ZNF610: variants seen among roughly 807,000 people sequenced by gnomAD.
ZNF610 encodes zinc finger protein 610.
Under a neutral mutation model 14.1 loss-of-function variants are expected in ZNF610, and 14 were observed. The ratio of observed to expected loss-of-function variants is 0.99; its 90% CI spans 0.65 to 1.55. The LOEUF (loss-of-function observed/expected upper bound fraction) is 1.55. Among genes scored for constraint, ZNF610 ranks in the 40% most tolerant of loss-of-function variants. The pLI, the probability that ZNF610 is intolerant of heterozygous loss-of-function variation, is 0.00. For synonymous variants in ZNF610, 185 were observed against 187.6 expected, an observed-to-expected ratio of 0.99 and a Z score of 0.11; for missense variants, 530 against 558.0, an observed-to-expected ratio of 0.95 and a Z score of 0.51.
intron 5 of ZNF610, among the ~76,000 whole-genome samples, chr19:52,361,200 C>T (rs1205765750): frequency 2.0e-5 from 3 of 147,030 alleles, no homozygotes; most frequent in East Asian, 2.0e-4. Context: ...TTTTCCGAGA[C>T]AGAGTCTCGC....
intron 1 of ZNF610, among the ~76,000 whole-genome samples, chr19:52,343,108 G>C (rs576866982): frequency 1.3e-5 from 2 of 152,134 alleles, no homozygotes; most frequent in African/African-American, 4.8e-5. Context: ...AAGAGACCCT[G>C]AACTCCCCAA....
intron 1 of ZNF610, among the ~76,000 whole-genome samples, chr19:52,339,600 G>A (rs901531774): frequency 1.4e-5 from 2 of 147,734 alleles, no homozygotes; most frequent in East Asian, 1.9e-4. Flanking sequence ...ACAGGGTTGG[G>A]GCTAGGGTTA....
chr19:52,334,992 G>GT (rs1984308664), upstream of ZNF610, among the ~76,000 whole-genome samples: 1 of 75,266 alleles, frequency 1.3e-5, no homozygotes, highest in Non-Finnish European at 2.8e-5. Flanking sequence ...AAAGTTATTG[G>GT]TTTTTTTAAA....
At position 52,353,827 on chromosome 19, in the gene ZNF610, C is replaced by T. The variant is rs1455379993; in HGVS notation, c.190+19C>T. The T allele has an allele frequency of 6.2e-7, 1 of 1,604,492 alleles. No homozygotes were observed. Among genetic ancestry groups the T allele is most frequent in the African/African-American group, 1.3e-5 (1 of 74,470 alleles). ...TTTCTGGGTGAGGATGACTTCCCTC[C>T]AGAAGCCGGGATCTGCTCTAATCTG... On this transcript the variant is annotated intron_variant, in intron 4 of 5. Transcript: ENST00000403906.
In ZNF610 at chr19:52,336,401, C is replaced by T. The variant is rs1984381671; in HGVS notation, c.-363C>T. 1.1e-5 allele frequency: 2 copies of T among 189,174 alleles called. No individual in the cohort carries two copies. Among genetic ancestry groups the T allele is most frequent in the East Asian group, 1.8e-4 (1 of 5,494 alleles). 11.7% of individuals were successfully genotyped at this position (189,174 alleles called of 1,614,324 possible). A position where few individuals can be genotyped will look rare whatever the true frequency, so the allele number is the denominator to read the frequency against. On this transcript the variant is annotated 5_prime_UTR_variant, in exon 1 of 6. Transcript: ENST00000403906. The stretch of plus-strand genomic sequence containing the variant: ...TGAAATCCCCGCACCGCTCCCTCCA[C>T]CCCGTGTAAATTCAGGCGTCTCCGT...
intron 1 of ZNF610, among the ~76,000 whole-genome samples, chr19:52,338,530 CA>C (rs1337188859): frequency 6.6e-6 from 1 of 152,104 alleles, no homozygotes; most frequent in South Asian, 2.1e-4. Context: ...ACTGAAAATA[CA>C]AAAATTAGCT....
intron 1 of ZNF610, among the ~76,000 whole-genome samples, chr19:52,340,361 C>T (rs7259528): frequency 0.64 from 97,309 of 151,982 alleles, 32,104 homozygotes; most frequent in Non-Finnish European, 0.74. Flanking sequence ...CCAGCCTGGG[C>T]GACAGTGAAA....
chr19:52,365,787 C>T lies in ZNF610; in HGVS notation c.409C>T (p.Gln137Ter), dbSNP rs776351221. ...LTLEAHLSEL[Q>*]LFQAGRKIYR... ...CCTTGAGGCACATCTGTCTGAATTG[C>T]AGCTGTTTCAAGCCGGAAGGAAAAT... The change falls in exon 6 of 6, where the codon CAG becomes TAG. Residue 137 changes from glutamine (Q) to a stop codon, truncating the protein, a stop_gained. Coordinates refer to ENST00000403906, the MANE Select transcript of ZNF610 (RefSeq NM_001161425.2). LOFTEE classifies it low-confidence loss of function (END_TRUNC). 1 of 1,614,168 alleles carries T rather than the reference C, an allele frequency of 6.2e-7. No individual in the cohort carries two copies.
chr19:52,357,331 T>G (rs1467288979), intron 5 of ZNF610, among the ~76,000 whole-genome samples: 1 of 152,072 alleles, frequency 6.6e-6, no homozygotes, highest in Non-Finnish European at 1.5e-5. Context: ...AGCAACATAA[T>G]GAGACGTTAT....
chr19:52,358,417 C>T (rs945937085), intron 5 of ZNF610, among the ~76,000 whole-genome samples: 1 of 152,190 alleles, frequency 6.6e-6, no homozygotes, highest in East Asian at 1.9e-4. Flanking sequence ...CTCCTGACCT[C>T]GTGATCCACC....
At position 52,365,993 on chromosome 19, in the gene ZNF610, A is replaced by G. The variant is rs368888161; in HGVS notation, c.615A>G (p.Glu205=). The G allele has an allele frequency of 6.8e-6, 11 of 1,614,056 alleles. No individual in the cohort carries two copies. The highest frequency in any genetic ancestry group is 9.3e-6 in the Non-Finnish European group (11 of 1,180,044). ...TTAGAGGAAAATCTTATGAATATGA[A>G]TGTAGTGAAGATGGTGAAGTTTTTA... is the stretch of plus-strand genomic sequence containing the variant. ...AYIRGKSYEY[E]CSEDGEVFRV... Residue 205 remains glutamate, a synonymous_variant, in exon 6 of 6, where the codon GAA becomes GAG. Transcript: ENST00000403906.
At chr19:52,340,766 T>A (rs768986813) in intron 1 of ZNF610, among the ~76,000 whole-genome samples, 4 of 151,944 alleles carry the variant, frequency 2.6e-5, no homozygotes, top group Non-Finnish European at 5.9e-5. Flanking sequence ...CTACAACCCC[T>A]GCCTCCCGGG....
chr19:52,366,395 G>A lies in ZNF610; in HGVS notation c.1017G>A (p.Thr339=), dbSNP rs139516691. The A allele has an allele frequency of 3.6e-3, 5,881 of 1,612,920 alleles. 93 individuals are homozygous for A. In the East Asian group the frequency reaches 0.054, roughly 15 times the overall value. The change falls in exon 6 of 6, where the codon ACG becomes ACA. Residue 339 remains threonine, a synonymous_variant. Transcript: ENST00000403906. ...FSLTNHQRSH[T]AEKPYKCNEC... is the part of the protein sequence containing the mutation. ...TAACCAATCATCAGAGAAGTCACAC[G>A]GCGGAAAAACCTTACAAATGTAATG... is the stretch of plus-strand genomic sequence containing the variant.
At chr19:52,335,414 G>A (rs909183875), upstream of ZNF610, among the ~76,000 whole-genome samples, 3 of 152,220 alleles carry the variant, frequency 2.0e-5, no homozygotes, top group Non-Finnish European at 4.4e-5. Flanking sequence ...TCACGGAGAT[G>A]CCCCGTTCGT....
At position 52,367,297 on chromosome 19, in the gene ZNF610, G is replaced by C. The variant is rs566327601; in HGVS notation, c.*530G>C. On this transcript the variant is annotated 3_prime_UTR_variant, in exon 6 of 6. Transcript: ENST00000403906. ...TGCCACTACTGCCCGGCTAATTTTT[G>C]TATTTTTAGTCGAGACGGGGTTTCC... 3.3e-5 allele frequency: 5 copies of C among 152,400 alleles called. No homozygotes were observed. Among genetic ancestry groups the C allele is most frequent in the Non-Finnish European group, 5.9e-5 (4 of 68,210 alleles). 9.4% of individuals were successfully genotyped at this position (152,400 alleles called of 1,614,324 possible). A position where few individuals can be genotyped will look rare whatever the true frequency, so the allele number is the denominator to read the frequency against.
At chr19:52,333,991 T>A (rs1401091607), upstream of ZNF610, among the ~76,000 whole-genome samples, 2 of 152,072 alleles carry the variant, frequency 1.3e-5, no homozygotes, top group African/African-American at 4.8e-5. Flanking sequence ...GGCCTTCAGC[T>A]CCCTGCAGAA....
intron 1 of ZNF610, among the ~76,000 whole-genome samples, chr19:52,337,233 G>A (rs1349884093): frequency 6.6e-6 from 1 of 151,840 alleles, no homozygotes; most frequent in Admixed American, 6.6e-5. Flanking sequence ...GCAGCATGGT[G>A]CTGGGACAGC....
At chr19:52,340,073 C>G (rs1051119311) in intron 1 of ZNF610, among the ~76,000 whole-genome samples, 1 of 152,210 alleles carries the variant, frequency 6.6e-6, no homozygotes, top group Admixed American at 6.5e-5. Context: ...TTGAGTTAAC[C>G]TGTGGGACAC....
At position 52,365,812 on chromosome 19, in the gene ZNF610, T is replaced by C; in HGVS notation, c.434T>C (p.Ile145Thr). Residue 145 changes from isoleucine (I) to threonine (T), a missense_variant, in exon 6 of 6, where the codon ATT becomes ACT. By Grantham distance (89) the Ile-to-Thr change is moderately conservative. Transcript: ENST00000403906. ...CAGCTGTTTCAAGCCGGAAGGAAAATTTACAGAAGTAATCAAGTTGAAAAG... is the reference window on the plus strand; with the variant it reads ...CAGCTGTTTCAAGCCGGAAGGAAAACTTACAGAAGTAATCAAGTTGAAAAG... Reference protein sequence around the residue: ...ELQLFQAGRKIYRSNQVEKFT... With the variant: ...ELQLFQAGRKTYRSNQVEKFT... 1 of 1,614,128 alleles carries C rather than the reference T, an allele frequency of 6.2e-7. No individual in the cohort carries two copies. The highest frequency in any genetic ancestry group is 1.1e-5 in the South Asian group (1 of 91,084).
Sources: allele counts gnomAD v4.1 joint callset (sites outside exome capture counted in the v4.1 genomes callset), GRCh38; gene constraint gnomAD v4.1.1; transcripts MANE v1.5; gene names NCBI Gene and HGNC (gene_info 2026-07-23, HGNC 2026-07-21).